MACROD2: variants seen among roughly 807,000 people sequenced by gnomAD.
MACROD2 encodes the protein mono-ADP ribosylhydrolase 2.
In MACROD2, 36 loss-of-function variants were observed where a neutral mutation model predicts 70.4. The observed-to-expected ratio is 0.51, with a 90% CI of 0.39 to 0.68. The LOEUF is 0.68. MACROD2 is among the 30% of genes least tolerant of loss of function. The pLI is 0.00. For missense variants in MACROD2, 496 were observed against 538.4 expected (o/e 0.92, Z 0.78); for synonymous variants, 172 against 178.8 (o/e 0.96, Z 0.30).
chr20:14,996,311 G>A (rs753105214), intron 5 of MACROD2, among the ~76,000 whole-genome samples: 6 of 152,156 alleles, frequency 3.9e-5, no homozygotes, highest in Non-Finnish European at 7.3e-5. Flanking sequence ...CAAATAACCA[G>A]TACTCAGATC....
At chr20:15,905,939 A>G (rs1215110101) in intron 10 of MACROD2, among the ~76,000 whole-genome samples, 1 of 152,236 alleles carries the variant, frequency 6.6e-6, no homozygotes, top group Non-Finnish European at 1.5e-5. Flanking sequence ...GAGGAATGAC[A>G]TGCAGAAACC....
At position 14,591,478 on chromosome 20, in the gene MACROD2, A is replaced by G. The variant is rs577560752; in HGVS notation, c.302-93365A>G. Among the ~76,000 whole-genome samples, 258 of 152,318 alleles carry G rather than the reference A, an allele frequency of 1.7e-3. 1 individual carries two copies. Among genetic ancestry groups the G allele is most frequent in the African/African-American group, 5.8e-3 (241 of 41,576 alleles). ...AGCACAAGAAATTTAAAATATTTCC[A>G]GCAATGCCTGTTTTAAAAGCGATTT... On this transcript the variant is annotated intron_variant, in intron 4 of 17. Transcript: ENST00000684519.
intron 5 of MACROD2, among the ~76,000 whole-genome samples, chr20:14,704,242 C>T (rs890182248): frequency 1.3e-4 from 20 of 152,124 alleles, no homozygotes; most frequent in African/African-American, 4.1e-4. Context: ...AAATCTTCAT[C>T]GTCCCCCAAA....
intron 3 of MACROD2, among the ~76,000 whole-genome samples, chr20:14,349,575 ATT>A (rs1491242965): frequency 6.8e-6 from 1 of 147,794 alleles, no homozygotes; most frequent in African/African-American, 2.5e-5. Flanking sequence ...ATATATATAT[ATT>A]GTACCTATTA....
chr20:15,800,076 G>C (rs1182656309), intron 8 of MACROD2, among the ~76,000 whole-genome samples: 1 of 151,974 alleles, frequency 6.6e-6, no homozygotes, highest in Non-Finnish European at 1.5e-5. Context: ...TTGGCCATTT[G>C]TATGTCTTCT....
intron 8 of MACROD2, among the ~76,000 whole-genome samples, chr20:15,625,902 A>AC (rs1253049248): frequency 1.9e-5 from 1 of 52,064 alleles, no homozygotes. Context: ...ATCCTTGGCC[A>AC]CAAAAAAAAA....
At chr20:14,932,158 C>T (rs2074302095) in intron 5 of MACROD2, among the ~76,000 whole-genome samples, 1 of 152,110 alleles carries the variant, frequency 6.6e-6, no homozygotes, top group South Asian at 2.1e-4. Flanking sequence ...CTCCCTATTA[C>T]TTATATAACC....
intron 3 of MACROD2, among the ~76,000 whole-genome samples, chr20:14,253,028 T>G (rs1296758971): frequency 2.0e-5 from 3 of 152,052 alleles, no homozygotes; most frequent in Admixed American, 2.0e-4. Context: ...CCCTGTTGTT[T>G]TGAGTGTTGT....
chr20:14,254,065 A>T (rs1220530637), intron 3 of MACROD2, among the ~76,000 whole-genome samples: 4 of 152,164 alleles, frequency 2.6e-5, no homozygotes, highest in African/African-American at 9.6e-5. Context: ...AAAGATAGAT[A>T]TGCAAATATA....
rs1444027450 is a variant in MACROD2, at chr20:15,588,708, A to G, written c.645+88861A>G. ...ATACCTCCAGTCTCTTTGCTAAAAC[A>G]TAACAAGAGTCACCTTTGCTCCGGT... On this transcript the variant is annotated intron_variant, in intron 8 of 17. Coordinates refer to ENST00000684519, the MANE Select transcript of MACROD2 (RefSeq NM_001351661.2). Among the ~76,000 whole-genome samples the G allele has an allele frequency of 5.3e-5, 8 of 152,340 alleles. No individual in the cohort carries two copies. In the East Asian group the frequency reaches 1.4e-3, roughly 26 times the overall value.
chr20:15,268,442 G>C (rs754610296), intron 6 of MACROD2, among the ~76,000 whole-genome samples: 5 of 152,136 alleles, frequency 3.3e-5, no homozygotes, highest in Non-Finnish European at 4.4e-5. Flanking sequence ...ATGAGGTCAG[G>C]AGTTCAAGAC....
At chr20:15,279,758 T>C (rs2146085098) in intron 6 of MACROD2, among the ~76,000 whole-genome samples, 1 of 152,346 alleles carries the variant, frequency 6.6e-6, no homozygotes, top group East Asian at 1.9e-4. Context: ...TGGTAAGTGG[T>C]AACATCTTTT....
In MACROD2 at chr20:15,188,630, C is replaced by T. The variant is rs192808250; in HGVS notation, c.419-41310C>T. Among the ~76,000 whole-genome samples the T allele has an allele frequency of 1.7e-3, 263 of 152,244 alleles. 1 individual carries two copies. Among genetic ancestry groups the T allele is most frequent in the South Asian group, 0.016 (79 of 4,828 alleles). ...ATAAGATGATGCCTCAAGTGCATTG[C>T]GAAACATTTATTATTCTGAGAGACT... On this transcript the variant is annotated intron_variant, in intron 5 of 17. Transcript: ENST00000684519.
chr20:14,521,153 T>C (rs1396975658), intron 4 of MACROD2, among the ~76,000 whole-genome samples: 1 of 152,212 alleles, frequency 6.6e-6, no homozygotes, highest in Non-Finnish European at 1.5e-5. Context: ...TGTCATCTCT[T>C]CCATATGCTT....
At chr20:14,723,299 G>A (rs901730969) in intron 5 of MACROD2, among the ~76,000 whole-genome samples, 1 of 151,802 alleles carries the variant, frequency 6.6e-6, no homozygotes, top group Non-Finnish European at 1.5e-5. Context: ...TATCCTTTTT[G>A]ATTATTACCT....
chr20:14,184,886 G>A (rs940344150), intron 3 of MACROD2, among the ~76,000 whole-genome samples: 5 of 152,132 alleles, frequency 3.3e-5, no homozygotes, highest in African/African-American at 9.7e-5. Context: ...TGTGTCCTGA[G>A]ATTTGCTGAA....
At chr20:14,076,593 C>T (rs1001432101) in intron 2 of MACROD2, among the ~76,000 whole-genome samples, 4 of 152,166 alleles carry the variant, frequency 2.6e-5, no homozygotes, top group East Asian at 1.9e-4. Flanking sequence ...GTGGGAGGAA[C>T]GCTTGAGCCC....
chr20:14,618,017 A>G (rs1343211624), intron 4 of MACROD2, among the ~76,000 whole-genome samples: 2 of 152,166 alleles, frequency 1.3e-5, no homozygotes, highest in East Asian at 3.9e-4. Flanking sequence ...TCCTGACTAA[A>G]GTCATAAAGC....
intron 1 of MACROD2, among the ~76,000 whole-genome samples, chr20:13,999,271 A>G (rs533468845): frequency 6.6e-6 from 1 of 152,168 alleles, no homozygotes; most frequent in Non-Finnish European, 1.5e-5. Context: ...CTTTTCTTTC[A>G]TAGGGCTTCA....
Sources: allele counts gnomAD v4.1 joint callset (sites outside exome capture counted in the v4.1 genomes callset), GRCh38; gene constraint gnomAD v4.1.1; transcripts MANE v1.5; gene names NCBI Gene and HGNC (gene_info 2026-07-23, HGNC 2026-07-21).